Variants in SKIL observed in about 807,000 individuals in gnomAD.
The protein encoded by SKIL is SKI like proto-oncogene, also known as ski-like protein.
SKIL carries 20 observed loss-of-function variants against 69.6 expected under a neutral mutation model. The observed-to-expected ratio is 0.29, with a 90% CI of 0.20 to 0.42. The LOEUF is 0.42. Ranked by LOEUF, SKIL falls within the 10% of genes least tolerant of loss-of-function variation. SKIL has a pLI of 1.00. For missense variants in SKIL, 745 were observed against 783.1 expected (o/e 0.95, Z 0.58); for synonymous variants, 310 against 279.9 (o/e 1.11, Z -1.08).
At position 170,393,563 on chromosome 3, in the gene SKIL, G is replaced by A. The variant is rs1443572329; in HGVS notation, c.*1146G>A. ...AAAGGAATTCCATAGTTTCAGGAGGGACAACATCTTCTGCACTTTTTTTTT... is the reference window on the plus strand; with the variant it reads ...AAAGGAATTCCATAGTTTCAGGAGGAACAACATCTTCTGCACTTTTTTTTT... On this transcript the variant is annotated 3_prime_UTR_variant, in exon 7 of 7. Transcript: ENST00000259119. The A allele has an allele frequency of 6.6e-6, 1 of 152,066 alleles. No homozygotes were observed. Among genetic ancestry groups the A allele is most frequent in the African/African-American group, 2.4e-5 (1 of 41,410 alleles). 9.4% of individuals were successfully genotyped at this position (152,066 alleles called of 1,614,324 possible). A position where few individuals can be genotyped will look rare whatever the true frequency, so the allele number is the denominator to read the frequency against.
At chr3:170,359,675 C>G (rs1267327553) in intron 1 of SKIL, 24 bp from the exon 2 acceptor site, 1 of 152,054 alleles carries the variant, frequency 6.6e-6, no homozygotes, top group Non-Finnish European at 1.5e-5. Flanking sequence ...TAACTCTTCC[C>G]CAACCCCCCT....
intron 3 of SKIL, among the ~76,000 whole-genome samples, chr3:170,383,516 TTGTC>T (rs1319949031): frequency 2.0e-5 from 3 of 152,256 alleles, no homozygotes; most frequent in Non-Finnish European, 4.4e-5. Flanking sequence ...TGAAATTTGT[TTGTC>T]CCATGAGCTT....
In SKIL at chr3:170,396,009, AGT is replaced by A. The variant is rs1491544887; in HGVS notation, c.*3593_*3594del. 8.9e-6 allele frequency: 1 copy of A among 112,220 alleles called. No individual in the cohort carries two copies. The highest frequency in any genetic ancestry group is 3.6e-5 in the African/African-American group (1 of 27,892). The allele number at this position is 112,220 out of a possible 1,614,324, so 7.0% of individuals were successfully genotyped here. A position where few individuals can be genotyped will look rare whatever the true frequency, so the allele number is the denominator to read the frequency against. ...TATATTGCATTTCATTTAAAAGGAC[AGT>A]TTTTTTTTTTTTTTTGTAAATCCAT... is the stretch of plus-strand genomic sequence containing the variant. On this transcript the variant is annotated 3_prime_UTR_variant, in exon 7 of 7. Coordinates refer to ENST00000259119, the MANE Select transcript of SKIL (RefSeq NM_005414.5).
intron 2 of SKIL, among the ~76,000 whole-genome samples, chr3:170,364,311 CTTTTTTTTTTTTTTTTT>C (rs34818157): frequency 1.7e-5 from 1 of 59,974 alleles, no homozygotes; most frequent in African/African-American, 5.7e-5. Flanking sequence ...TTGCTCCCGT[CTTTTTTTTTTTTTTTTT>C]TTTTTTTTTT....
chr3:170,387,496 A>G (rs1398978098), intron 4 of SKIL, among the ~76,000 whole-genome samples: 2 of 150,610 alleles, frequency 1.3e-5, no homozygotes, highest in Non-Finnish European at 3.0e-5. Flanking sequence ...ATGTTTTCAC[A>G]GTCCATGTTG....
In SKIL at chr3:170,390,248, A is replaced by G. The variant is rs1202079188; in HGVS notation, c.1455A>G (p.Thr485=). 15 of 1,612,006 alleles carry G rather than the reference A, an allele frequency of 9.3e-6. No homozygotes were observed. Among genetic ancestry groups the G allele is most frequent in the Non-Finnish European group, 1.3e-5 (15 of 1,178,180 alleles). The change falls in exon 5 of 7, where the codon ACA becomes ACG. Residue 485 remains threonine (T), a synonymous_variant. Coordinates refer to ENST00000259119, the MANE Select transcript of SKIL (RefSeq NM_005414.5). Reference sequence around the variant, plus strand: ...ATGCATCAATCTCAAATAATTCTACAAGTAAAAGGAAATCTGAGTCTGCCA... The same window carrying G: ...ATGCATCAATCTCAAATAATTCTACGAGTAAAAGGAAATCTGAGTCTGCCA... The part of the protein sequence containing the change: ...RLDASISNNS[T]SKRKSESATC...
intron 4 of SKIL, among the ~76,000 whole-genome samples, chr3:170,385,257 ATTTT>A (rs1159207619): frequency 7.3e-6 from 1 of 136,700 alleles, no homozygotes; most frequent in Non-Finnish European, 1.6e-5. Context: ...AAAAAAAAAA[ATTTT>A]TTTTTTTTTT....
rs1292938950 is a variant in SKIL, at chr3:170,393,765, TATAAG to T, written c.*1352_*1356del. 2.6e-5 allele frequency: 4 copies of T among 152,188 alleles called. No homozygotes were observed. Among genetic ancestry groups the T allele is most frequent in the African/African-American group, 4.8e-5 (2 of 41,442 alleles). The allele number at this position is 152,188 out of a possible 1,614,324, so 9.4% of individuals were successfully genotyped here. A position where few individuals can be genotyped will look rare whatever the true frequency, so the allele number is the denominator to read the frequency against. On this transcript the variant is annotated 3_prime_UTR_variant, in exon 7 of 7. Coordinates refer to ENST00000259119, the MANE Select transcript of SKIL (RefSeq NM_005414.5). ...ATAATAAATGTTTTTCATGTTCTCTTATAAGATACTATGTATGAAATTACTTCAGA... is the reference window on the plus strand; with the variant it reads ...ATAATAAATGTTTTTCATGTTCTCTTATACTATGTATGAAATTACTTCAGA...
chr3:170,372,164 T>G (rs1736829167), intron 2 of SKIL, among the ~76,000 whole-genome samples: 1 of 152,204 alleles, frequency 6.6e-6, no homozygotes, highest in South Asian at 2.1e-4. Flanking sequence ...TAACAGGATT[T>G]TTATCAGTGT....
At chr3:170,378,729 A>G (rs1277811507) in intron 2 of SKIL, among the ~76,000 whole-genome samples, 1 of 150,304 alleles carries the variant, frequency 6.7e-6, no homozygotes, top group African/African-American at 2.4e-5. Flanking sequence ...TTTTTGTAGA[A>G]ACGGCGTTTC....
chr3:170,376,077 T>TCAC (rs1386086029), intron 2 of SKIL, among the ~76,000 whole-genome samples: 5 of 144,484 alleles, frequency 3.5e-5, no homozygotes, highest in Admixed American at 7.1e-5. Context: ...AGACGGAGTT[T>TCAC]CACTGTCTTG....
chr3:170,361,220 A>C lies in SKIL; in HGVS notation c.889A>C (p.Met297Leu). 6.2e-7 allele frequency: 1 copy of C among 1,614,170 alleles called. No homozygotes were observed. The highest frequency in any genetic ancestry group is 2.2e-5 in the East Asian group (1 of 44,886). The change falls in exon 2 of 7, where the codon ATG becomes CTG. Residue 297 changes from methionine (M) to leucine (L), a missense_variant. Met to Leu is a conservative substitution (Grantham distance 15, BLOSUM62 2). Transcript: ENST00000259119. ...PCIQCLECCGMFAPQTFVMHS... is the reference protein window; with the variant it reads ...PCIQCLECCGLFAPQTFVMHS... ...TATTCAATGTCTGGAGTGTTGTGGA[A>C]TGTTTGCACCCCAGACGTTTGTGAT...
In SKIL at chr3:170,360,583, C is replaced by G. The variant is rs1308945894; in HGVS notation, c.252C>G (p.Pro84=). Residue 84 remains proline (P), a synonymous_variant, in exon 2 of 7, where the codon CCC becomes CCG. Coordinates refer to ENST00000259119, the MANE Select transcript of SKIL (RefSeq NM_005414.5). ...TSVPETLHLN[P]SLKHTLAQFH... ...TTCCTGAAACTTTGCATTTAAATCC[C>G]AGTTTGAAACACACATTGGCACAAT... The G allele has an allele frequency of 6.2e-7, 1 of 1,614,182 alleles. No homozygotes were observed. Among genetic ancestry groups the G allele is most frequent in the South Asian group, 1.1e-5 (1 of 91,092 alleles).
In SKIL at chr3:170,394,114, A is replaced by ATTTTTTTT. The variant is rs1560224797; in HGVS notation, c.*1697_*1698insTTTTTTTT. 45 of 131,730 alleles carry ATTTTTTTT rather than the reference A, an allele frequency of 3.4e-4. 1 individual carries two copies. The highest frequency in any genetic ancestry group is 1.1e-3 in the African/African-American group (36 of 32,450). 8.2% of individuals were successfully genotyped at this position (131,730 alleles called of 1,614,324 possible). A position where few individuals can be genotyped will look rare whatever the true frequency, so the allele number is the denominator to read the frequency against. On this transcript the variant is annotated 3_prime_UTR_variant, in exon 7 of 7. Coordinates refer to ENST00000259119, the MANE Select transcript of SKIL (RefSeq NM_005414.5). ...AATATTAAAATGACATGTAGAAACA[A>ATTTTTTTT]ATTTTTTTTTTTTTTTTTTTTTTTT...
In SKIL at chr3:170,360,299, C is replaced by G; in HGVS notation, c.-33C>G. 2 of 1,511,852 alleles carry G rather than the reference C, an allele frequency of 1.3e-6. No homozygotes were observed. The highest frequency in any genetic ancestry group is 1.8e-6 in the Non-Finnish European group (2 of 1,132,740). 93.7% of individuals were successfully genotyped at this position (1,511,852 alleles called of 1,614,324 possible). ...TAAGCAACTAAATAGAAATGCTAAT[C>G]TCAGACTTAATTATTTAACAGAAGA... On this transcript the variant is annotated 5_prime_UTR_variant, in exon 2 of 7. In the 5' UTR this introduces an upstream ATG that the reference lacks. Coordinates refer to ENST00000259119, the MANE Select transcript of SKIL (RefSeq NM_005414.5).
In SKIL at chr3:170,360,568, T is replaced by G. The variant is rs1372244057; in HGVS notation, c.237T>G (p.Thr79=). Residue 79 remains threonine (T), a synonymous_variant, in exon 2 of 7, where the codon ACT becomes ACG. Coordinates refer to ENST00000259119, the MANE Select transcript of SKIL (RefSeq NM_005414.5). ...VKRTCTSVPE[T]LHLNPSLKHT... is the part of the protein sequence containing the mutation. The stretch of plus-strand genomic sequence containing the variant: ...GAACCTGTACTTCTGTTCCTGAAAC[T>G]TTGCATTTAAATCCCAGTTTGAAAC... 6.2e-7 allele frequency: 1 copy of G among 1,614,212 alleles called. No homozygotes were observed. The highest frequency in any genetic ancestry group is 8.5e-7 in the Non-Finnish European group (1 of 1,180,042).
chr3:170,381,822 C>G (rs1577435655), intron 3 of SKIL, among the ~76,000 whole-genome samples: 1 of 151,882 alleles, frequency 6.6e-6, no homozygotes, highest in Non-Finnish European at 1.5e-5. Context: ...TGGCTCATGC[C>G]TGTAATCCCA....
chr3:170,366,696 GACAC>G (rs376902100), intron 2 of SKIL, among the ~76,000 whole-genome samples: 14 of 147,580 alleles, frequency 9.5e-5, no homozygotes, highest in Admixed American at 2.7e-4. Flanking sequence ...CACACACACA[GACAC>G]ACACACACAC....
chr3:170,383,442 G>A (rs1262711340), intron 3 of SKIL, among the ~76,000 whole-genome samples: 3 of 152,136 alleles, frequency 2.0e-5, no homozygotes, highest in Admixed American at 6.6e-5. Flanking sequence ...GTCTTAAATG[G>A]TTACATCTTT....
Sources: allele counts gnomAD v4.1 joint callset (sites outside exome capture counted in the v4.1 genomes callset), GRCh38; gene constraint gnomAD v4.1.1; transcripts MANE v1.5; gene names NCBI Gene and HGNC (gene_info 2026-07-23, HGNC 2026-07-21).